ANKRD36B: variants seen among roughly 807,000 people sequenced by gnomAD.
ANKRD36B encodes the protein ankyrin repeat domain-containing protein 36B.
ANKRD36B carries 37 observed loss-of-function variants against 135.7 expected under a neutral mutation model. The ratio of observed to expected loss-of-function variants is 0.27; its 90% CI spans 0.21 to 0.36. ANKRD36B has a LOEUF of 0.36. Among genes scored for constraint, ANKRD36B ranks in the 10% least tolerant of loss-of-function variants. The pLI, the probability that ANKRD36B is intolerant of heterozygous loss-of-function variation, is 1.00. For missense variants in ANKRD36B, 549 were observed against 1,037.1 expected (o/e 0.53, Z 6.46); for synonymous variants, 179 against 348.1 (o/e 0.51, Z 5.41).
At position 97,557,009 on chromosome 2, in the gene ANKRD36B, C is replaced by A; in HGVS notation, c.997G>T (p.Val333Phe). ...VSPQKQSAQK[V>F]IFKKKVSLLN... Reference sequence around the variant, plus strand: ...AGAGAAACTTTCTTTTTAAATATAACCTGAATGGAAAGAGAAACAAAATAG... The same window carrying A: ...AGAGAAACTTTCTTTTTAAATATAAACTGAATGGAAAGAGAAACAAAATAG... Residue 333 changes from valine (V) to phenylalanine (F), a missense_variant and splice_region_variant, in exon 12 of 44, where the codon GTT becomes TTT. Coordinates refer to ENST00000359901, the MANE Select transcript of ANKRD36B (RefSeq NM_001393939.1). 5.1e-6 allele frequency: 8 copies of A among 1,558,756 alleles called. No individual in the cohort carries two copies. Among genetic ancestry groups the A allele is most frequent in the African/African-American group, 1.4e-5 (1 of 73,114 alleles).
Position 97,540,182 on chromosome 2 carries a change from T to C in ANKRD36B, c.1914+19A>G. ...ACTATACAATTACTAGTTCACAATA[T>C]AAATAAGAGTTTAATTACCTTCAAG... On this transcript the variant is annotated intron_variant, in intron 29 of 43. Transcript: ENST00000359901. 4.2e-6 allele frequency: 4 copies of C among 963,668 alleles called. No individual in the cohort carries two copies. The highest frequency in any genetic ancestry group is 4.7e-6 in the Non-Finnish European group (3 of 639,114). 59.7% of individuals were successfully genotyped at this position (963,668 alleles called of 1,614,324 possible). A position where few individuals can be genotyped will look rare whatever the true frequency, so the allele number is the denominator to read the frequency against.
Position 97,496,850 on chromosome 2 carries a change from T to TAC in ANKRD36B, c.*7-3996_*7-3995insGT, listed in dbSNP as rs1370146457. 1.1e-4 allele frequency among the ~76,000 whole-genome samples: 8 copies of TAC among 72,786 alleles called. 3 individuals are homozygous for TAC. Among genetic ancestry groups the TAC allele is most frequent in the African/African-American group, 5.0e-4 (8 of 15,878 alleles). 47.8% of individuals were successfully genotyped at this position (72,786 alleles called of 152,430 possible). Reference sequence around the variant, plus strand: ...ATGTGTGTGTATATATATATATATATATATATATATCTTTTAAAATATTAC... The same window carrying TAC: ...ATGTGTGTGTATATATATATATATATACATATATATATCTTTTAAAATATTAC... On this transcript the variant is annotated intron_variant, in intron 43 of 43. Transcript: ENST00000359901.
In ANKRD36B at chr2:97,555,138, A is replaced by T. The variant is rs766977221; in HGVS notation, c.1099-6T>A. On this transcript the variant is annotated splice_region_variant and splice_polypyrimidine_tract_variant and intron_variant, in intron 13 of 43. Coordinates refer to ENST00000359901, the MANE Select transcript of ANKRD36B (RefSeq NM_001393939.1). ...TCTGTCTTGTCACTTGCAGTCTGAAAGTAATTTGAAGCAAATTATCAATAA... is the reference window on the plus strand; with the variant it reads ...TCTGTCTTGTCACTTGCAGTCTGAATGTAATTTGAAGCAAATTATCAATAA... 6.2e-7 allele frequency: 1 copy of T among 1,611,886 alleles called. No homozygotes were observed. The highest frequency in any genetic ancestry group is 8.5e-7 in the Non-Finnish European group (1 of 1,178,674).
In ANKRD36B at chr2:97,516,192, T is replaced by TAAA. The variant is rs1159226772; in HGVS notation, c.2408-250_2408-248dup. Reference sequence around the variant, plus strand: ...CAGTTATAAACTCAGATAGGTCCTGTAAAAAAAAAAAAAAAAAAAAAACAT... The same window carrying TAAA: ...CAGTTATAAACTCAGATAGGTCCTGTAAAAAAAAAAAAAAAAAAAAAAAAACAT... On this transcript the variant is annotated intron_variant, in intron 36 of 43. Transcript: ENST00000359901. Among the ~76,000 whole-genome samples the TAAA allele has an allele frequency of 3.4e-3, 113 of 33,488 alleles. No homozygotes were observed. In the East Asian group the frequency reaches 0.038, roughly 11 times the overall value. The allele number at this position is 33,488 out of a possible 152,430, so 22.0% of individuals were successfully genotyped here. A position where few individuals can be genotyped will look rare whatever the true frequency, so the allele number is the denominator to read the frequency against.
intron 1 of ANKRD36B, among the ~76,000 whole-genome samples, chr2:97,588,523 CT>C (rs1013012323): frequency 4.9e-4 from 75 of 152,148 alleles, no homozygotes; most frequent in African/African-American, 1.7e-3. Flanking sequence ...AAAGGCAAGT[CT>C]TTTTTGACTC....
intron 6 of ANKRD36B, among the ~76,000 whole-genome samples, chr2:97,573,152 C>G (rs9678893): frequency 0.56 from 85,526 of 151,674 alleles, 25,619 homozygotes; most frequent in Non-Finnish European, 0.67. Context: ...CTATGAGTGA[C>G]AACATGCGGT....
chr2:97,578,724 T>C (rs2082385223), intron 5 of ANKRD36B, among the ~76,000 whole-genome samples, 182 bp downstream of exon 5: 1 of 152,104 alleles, frequency 6.6e-6, no homozygotes, highest in Non-Finnish European at 1.5e-5. Flanking sequence ...TTATCTAGCC[T>C]TTTTCTTGAT....
chr2:97,550,829 C>A (rs1421153058), intron 18 of ANKRD36B, among the ~76,000 whole-genome samples: 1 of 151,818 alleles, frequency 6.6e-6, no homozygotes, highest in African/African-American at 2.4e-5. Context: ...TCCTGCCTCA[C>A]AATCCGTCTT....
At chr2:97,570,791 A>C (rs1034390599) in intron 6 of ANKRD36B, among the ~76,000 whole-genome samples, 4 of 152,220 alleles carry the variant, frequency 2.6e-5, no homozygotes, top group African/African-American at 9.6e-5. Context: ...AGCCCAGAGT[A>C]GGACTGTTTG....
chr2:97,559,118 T>C (rs199544017), intron 8 of ANKRD36B, 124 bp from the exon 9 acceptor site: 2 of 1,314,098 alleles, frequency 1.5e-6, no homozygotes, highest in South Asian at 1.5e-5. Flanking sequence ...TTTGATGTTT[T>C]CTACTTTTTG....
At position 97,572,769 on chromosome 2, in the gene ANKRD36B, T is replaced by A. The variant is rs182293973; in HGVS notation, c.763+3610A>T. On this transcript the variant is annotated intron_variant, in intron 6 of 43. Coordinates refer to ENST00000359901, the MANE Select transcript of ANKRD36B (RefSeq NM_001393939.1). ...AAAAAAAACAGTAAAAGCAGAGATA[T>A]TACAAGAGGTCATGAAAAGGGAATT... 4.0e-5 allele frequency among the ~76,000 whole-genome samples: 6 copies of A among 151,864 alleles called. No individual in the cohort carries two copies. In the East Asian group the frequency reaches 1.2e-3, roughly 29 times the overall value.
intron 18 of ANKRD36B, among the ~76,000 whole-genome samples, 153 bp from the exon 19 acceptor site, chr2:97,549,767 C>G (rs1434609229): frequency 3.3e-5 from 5 of 151,904 alleles, no homozygotes; most frequent in Non-Finnish European, 7.4e-5. Flanking sequence ...TAGAACGTGA[C>G]AGAAATGCAC....
chr2:97,558,683 A>T, intron 10 of ANKRD36B, 116 bp downstream of exon 10: 1 of 1,242,146 alleles, frequency 8.1e-7, no homozygotes. Flanking sequence ...GAGGAATCTC[A>T]GGCCTGCTGA....
chr2:97,547,633 A>C (rs1463054865), intron 21 of ANKRD36B, 25 bp from the exon 22 acceptor site: 4 of 1,557,646 alleles, frequency 2.6e-6, no homozygotes, highest in Non-Finnish European at 3.5e-6. Context: ...AAATGAAATA[A>C]TAAATTAATA....
intron 12 of ANKRD36B, 45 bp from the exon 13 acceptor site, chr2:97,555,299 T>A: frequency 3.1e-6 from 5 of 1,604,912 alleles, no homozygotes; most frequent in Non-Finnish European, 4.3e-6. Flanking sequence ...GTAAATATGA[T>A]AAAGTTATCC....
chr2:97,578,906 A>C lies in ANKRD36B; in HGVS notation c.695T>G (p.Val232Gly), dbSNP rs1476395275. ...EDYASEAENR[V>G]IFDLIYEYKR... ...TTAGCCTTTTTACGTAAAGACTTAC[A>C]CTCTATTCTCAGCCTCACTGGCATA... Residue 232 changes from valine (V) to glycine (G), a missense_variant and splice_region_variant, in exon 5 of 44, where the codon GTC becomes GGC. Transcript: ENST00000359901. The C allele has an allele frequency of 6.2e-7, 1 of 1,612,388 alleles. No homozygotes were observed. Among genetic ancestry groups the C allele is most frequent in the South Asian group, 1.1e-5 (1 of 90,940 alleles).
intron 6 of ANKRD36B, among the ~76,000 whole-genome samples, chr2:97,570,047 T>A (rs2081736606): frequency 6.6e-6 from 1 of 152,202 alleles, no homozygotes; most frequent in Admixed American, 6.5e-5. Flanking sequence ...AATCATTACT[T>A]ATTTTATCTA....
Position 97,533,800 on chromosome 2 carries a change from G to C in ANKRD36B, c.2192-1416C>G, listed in dbSNP as rs2078720862. 3.1e-5 allele frequency among the ~76,000 whole-genome samples: 3 copies of C among 95,606 alleles called. 1 individual carries two copies. Among genetic ancestry groups the C allele is most frequent in the Non-Finnish European group, 5.5e-5 (2 of 36,072 alleles). The allele number at this position is 95,606 out of a possible 152,430, so 62.7% of individuals were successfully genotyped here. A position where few individuals can be genotyped will look rare whatever the true frequency, so the allele number is the denominator to read the frequency against. On this transcript the variant is annotated intron_variant, in intron 34 of 43. Transcript: ENST00000359901. ...AGGCTGGGTGTGGTGGCTCACGCCT[G>C]TAATCACAGCACTTTGGGAGGCTGA...
chr2:97,555,899 C>A (rs565190371), intron 12 of ANKRD36B, among the ~76,000 whole-genome samples: 2 of 151,792 alleles, frequency 1.3e-5, no homozygotes, highest in African/African-American at 4.8e-5. Context: ...TTTCTTCATC[C>A]ACTAATGGCA....
Sources: gnomAD v4.1 joint callset for allele counts (sites outside exome capture counted in the v4.1 genomes callset) on GRCh38, gnomAD v4.1.1 for gene constraint, MANE v1.5 for transcripts, NCBI Gene and HGNC (gene_info 2026-07-23, HGNC 2026-07-21) for gene names.